Variants in ZNF573 observed in about 807,000 individuals in gnomAD.
ZNF573 encodes zinc finger protein 573.
A neutral mutation model predicts 57.4 loss-of-function variants in ZNF573; 41 were observed. That is an observed-to-expected ratio of 0.71 (90% CI 0.56 to 0.93). The LOEUF (loss-of-function observed/expected upper bound fraction) is 0.93, where lower values mean the gene tolerates loss of function less well. ZNF573 is among the 40% of genes least tolerant of loss of function. ZNF573 has a pLI of 0.00. For missense variants in ZNF573, 730 were observed against 794.8 expected (o/e 0.92, Z 0.98); for synonymous variants, 249 against 261.0 (o/e 0.95, Z 0.44).
chr19:37,748,168 G>A (rs2045399655), intron 4 of ZNF573, among the ~76,000 whole-genome samples: 1 of 152,158 alleles, frequency 6.6e-6, no homozygotes, highest in African/African-American at 2.4e-5. Context: ...ATACAATGTG[G>A]TACCCCTAAC....
chr19:37,758,680 A>T (rs2045521998), intron 4 of ZNF573: 1 of 151,902 alleles, frequency 6.6e-6, no homozygotes, highest in South Asian at 2.1e-4. Flanking sequence ...TTCTTATTTT[A>T]AGATACTACT....
At chr19:37,770,170 A>T (rs1045436061) in intron 3 of ZNF573, 73 bp from the exon 4 acceptor site, 1 of 1,199,990 alleles carries the variant, frequency 8.3e-7, no homozygotes, top group Non-Finnish European at 1.2e-6. Flanking sequence ...GCTTTGATTA[A>T]ATTTACAATG....
intron 1 of ZNF573, among the ~76,000 whole-genome samples, chr19:37,775,939 A>T (rs1357709002): frequency 6.6e-6 from 1 of 152,058 alleles, no homozygotes; most frequent in Non-Finnish European, 1.5e-5. Context: ...GAGGTGAAAG[A>T]TCTCTACAAG....
At chr19:37,776,961 C>G (rs1423296673) in intron 1 of ZNF573, among the ~76,000 whole-genome samples, 1 of 152,036 alleles carries the variant, frequency 6.6e-6, no homozygotes, top group African/African-American at 2.4e-5. Context: ...TAAGAATGAC[C>G]ATAATTTTAA....
At chr19:37,759,501 G>A (rs2045529949) in intron 4 of ZNF573, among the ~76,000 whole-genome samples, 1 of 152,170 alleles carries the variant, frequency 6.6e-6, no homozygotes, top group South Asian at 2.1e-4. Context: ...GCCGAGGCAG[G>A]TGGATCACGA....
chr19:37,769,528 C>T (rs1255513281), intron 4 of ZNF573, among the ~76,000 whole-genome samples: 1 of 151,112 alleles, frequency 6.6e-6, no homozygotes, highest in Non-Finnish European at 1.5e-5. Context: ...GAGTTCAAGA[C>T]CAGCCTGGCC....
intron 4 of ZNF573, among the ~76,000 whole-genome samples, chr19:37,744,740 C>CAAAAAAAAAAAAAAAAAAA (rs1193916273): frequency 5.2e-5 from 2 of 38,536 alleles, no homozygotes; most frequent in Non-Finnish European, 1.1e-4. Context: ...GACCCTATCT[C>CAAAAAAAAAAAAAAAAAAA]AAAAAAAAAA....
chr19:37,748,075 C>T (rs1193883641), intron 4 of ZNF573, among the ~76,000 whole-genome samples: 2 of 152,120 alleles, frequency 1.3e-5, no homozygotes, highest in Non-Finnish European at 2.9e-5. Flanking sequence ...CATGGTCTGT[C>T]AAGACAGTCA....
intron 4 of ZNF573, among the ~76,000 whole-genome samples, chr19:37,761,101 C>A (rs1329458424): frequency 6.6e-6 from 1 of 151,060 alleles, no homozygotes; most frequent in Admixed American, 6.6e-5. Context: ...CGCCTGTAAT[C>A]CCAGCCTGAG....
At chr19:37,758,203 ATATATATATATATATATATATATAT>A (rs1474522571) in intron 4 of ZNF573, among the ~76,000 whole-genome samples, 1,665 of 51,992 alleles carry the variant, frequency 0.032, 263 homozygotes, top group Admixed American at 0.041. Context: ...GTATAATAAA[ATATATATATATATATATATATATAT>A]ATATATATAT....
chr19:37,772,988 A>T, intron 2 of ZNF573: 2 of 983,590 alleles, frequency 2.0e-6, no homozygotes, highest in Non-Finnish European at 2.4e-6. Flanking sequence ...CAGTTCTGGA[A>T]ATCAACATAT....
intron 4 of ZNF573, among the ~76,000 whole-genome samples, chr19:37,747,523 G>C (rs1380199520): frequency 6.6e-6 from 1 of 152,160 alleles, no homozygotes; most frequent in Admixed American, 6.5e-5. Flanking sequence ...CCTGCTCCCA[G>C]GGTGGGCTAG....
At chr19:37,755,346 G>GACA (rs2045477861) in intron 4 of ZNF573, 1 of 152,162 alleles carries the variant, frequency 6.6e-6, no homozygotes, top group African/African-American at 2.4e-5. Flanking sequence ...ATTTCAAGTG[G>GACA]ACAAAGAATA....
At chr19:37,768,965 CTATTT>C (rs938254499) in intron 4 of ZNF573, among the ~76,000 whole-genome samples, 3 of 149,880 alleles carry the variant, frequency 2.0e-5, no homozygotes, top group Admixed American at 6.7e-5. Context: ...TGCGCCCGGC[CTATTT>C]TATTTTATTT....
intron 1 of ZNF573, among the ~76,000 whole-genome samples, chr19:37,777,915 C>T (rs991338200): frequency 1.4e-5 from 2 of 146,702 alleles, no homozygotes; most frequent in Admixed American, 6.9e-5. Context: ...CCCAGCTACT[C>T]GGAGAGGCTG....
chr19:37,746,723 A>C, intron 4 of ZNF573, among the ~76,000 whole-genome samples: 1 of 152,082 alleles, frequency 6.6e-6, no homozygotes, highest in South Asian at 2.1e-4. Flanking sequence ...GGCATTATGT[A>C]CAGACCCGCG....
At chr19:37,764,063 CAAAA>C (rs11333523) in intron 4 of ZNF573, among the ~76,000 whole-genome samples, 1 of 105,706 alleles carries the variant, frequency 9.5e-6, no homozygotes. Context: ...AACTCTGCCT[CAAAA>C]AAAAAAAAAA....
rs1166189895 is a variant in ZNF573, at chr19:37,771,579, T to C, written c.187A>G (p.Asn63Asp). The C allele has an allele frequency of 6.2e-7, 1 of 1,609,966 alleles. No homozygotes were observed. The highest frequency in any genetic ancestry group is 8.5e-7 in the Non-Finnish European group (1 of 1,178,214). The stretch of plus-strand genomic sequence containing the variant: ...ATAAACTTACCCAGTGATACCAGGT[T>C]TCTATAGTTCTCCAACATCACATCC... The part of the protein sequence containing the change: ...YRDVMLENYR[N>D]LVSLGGHSIS... The change falls in exon 3 of 5, where the codon AAC (asparagine) becomes GAC (aspartate). Residue 63 changes from asparagine to aspartate, a missense_variant. Asn to Asp is a conservative substitution (Grantham distance 23). Coordinates refer to ENST00000536220, the MANE Select transcript of ZNF573 (RefSeq NM_001172690.2).
At chr19:37,746,460 GAGTC>G (rs1302506774) in intron 4 of ZNF573, among the ~76,000 whole-genome samples, 3 of 152,162 alleles carry the variant, frequency 2.0e-5, no homozygotes, top group Non-Finnish European at 2.9e-5. Flanking sequence ...TAGTAGATGA[GAGTC>G]AGAGACATTA....
Sources: allele counts gnomAD v4.1 joint callset (sites outside exome capture counted in the v4.1 genomes callset), GRCh38; gene constraint gnomAD v4.1.1; transcripts MANE v1.5; gene names NCBI Gene and HGNC (gene_info 2026-07-23, HGNC 2026-07-21).